The following PCDHGA8 variants were observed in gnomAD, a reference collection of about 807,000 sequenced individuals.
PCDHGA8 encodes protocadherin gamma-A8.
PCDHGA8 carries 45 observed loss-of-function variants against 59.2 expected under a neutral mutation model. That is an observed-to-expected ratio of 0.76 (90% confidence interval 0.60 to 0.98). The LOEUF (loss-of-function observed/expected upper bound fraction) is 0.98. Ranked by LOEUF, PCDHGA8 falls within the 50% of genes least tolerant of loss-of-function variation. PCDHGA8 has a pLI of 0.00. For missense variants in PCDHGA8, 1,257 were observed against 1,196.2 expected (o/e 1.05, Z -0.75); for synonymous variants, 531 against 519.0 (o/e 1.02, Z -0.32).
intron 1 of PCDHGA8, among the ~76,000 whole-genome samples, chr5:141,474,143 TATC>T (rs1371874237): frequency 1.3e-5 from 2 of 152,188 alleles, no homozygotes; most frequent in Non-Finnish European, 2.9e-5. Context: ...CAGGCCTTAT[TATC>T]AAGAAAATGA....
chr5:141,489,094 G>GAAT lies in PCDHGA8; in HGVS notation c.2425-5711_2425-5710insTAA, dbSNP rs2154581134. 5.1e-6 allele frequency: 2 copies of GAAT among 396,028 alleles called. No homozygotes were observed. Among genetic ancestry groups the GAAT allele is most frequent in the Non-Finnish European group, 9.0e-6 (2 of 221,296 alleles). 24.5% of individuals were successfully genotyped at this position (396,028 alleles called of 1,614,324 possible). Reference sequence around the variant, plus strand: ...CCCACCCCCGCCACTCGGTGACTAAGAACTGCTGCAAGCAGGCAAACCTCC... The same window carrying GAAT: ...CCCACCCCCGCCACTCGGTGACTAAGAATAACTGCTGCAAGCAGGCAAACCTCC... On this transcript the variant is annotated intron_variant, in intron 1 of 3. Coordinates refer to ENST00000398604, the MANE Select transcript of PCDHGA8 (RefSeq NM_032088.2). The surrounding 1 kb of genome is among the most constrained non-coding windows in gnomAD (Gnocchi z 4.5).
At chr5:141,422,806 C>T (rs868426196) in intron 1 of PCDHGA8, 2 of 1,614,208 alleles carry the variant, frequency 1.2e-6, no homozygotes, top group Non-Finnish European at 1.7e-6. Flanking sequence ...TGAGCAGTTT[C>T]GAGACTTAGA....
chr5:141,472,290 C>T (rs2099275934), intron 1 of PCDHGA8, among the ~76,000 whole-genome samples: 2 of 152,096 alleles, frequency 1.3e-5, no homozygotes, highest in Admixed American at 6.6e-5. Flanking sequence ...ACCTGTAATC[C>T]CAGCACTTTG....
intron 1 of PCDHGA8, chr5:141,478,008 C>T: frequency 6.2e-7 from 1 of 1,614,124 alleles, no homozygotes; most frequent in Non-Finnish European, 8.5e-7. Flanking sequence ...ATCAGTACTG[C>T]CCGTCCAGTC....
At chr5:141,465,833 T>A (rs2099110537) in intron 1 of PCDHGA8, among the ~76,000 whole-genome samples, 1 of 152,002 alleles carries the variant, frequency 6.6e-6, no homozygotes, top group Non-Finnish European at 1.5e-5. Context: ...GTTTAAAATT[T>A]CAACTGAGGC....
At chr5:141,439,739 G>A (rs867225156) in intron 1 of PCDHGA8, 4 of 152,312 alleles carry the variant, frequency 2.6e-5, no homozygotes, top group Non-Finnish European at 5.9e-5. Flanking sequence ...GGAACGGAAC[G>A]GATTTACAGG....
At chr5:141,478,165 C>G (rs780594020) in intron 1 of PCDHGA8, 13 of 1,613,920 alleles carry the variant, frequency 8.1e-6, no homozygotes, top group African/African-American at 1.3e-5. Flanking sequence ...GCTCTGCCCC[C>G]CGGGAGCAGA....
At chr5:141,420,046 A>G (rs772981030) in intron 1 of PCDHGA8, 6 of 1,614,048 alleles carry the variant, frequency 3.7e-6, no homozygotes, top group South Asian at 1.1e-5. Context: ...GCTTTGAGTC[A>G]GTTCTCTGCT....
chr5:141,439,556 C>A (rs543620281), intron 1 of PCDHGA8, among the ~76,000 whole-genome samples: 1 of 152,268 alleles, frequency 6.6e-6, no homozygotes, highest in East Asian at 1.9e-4. Context: ...CTTCAGGCTG[C>A]AGTTCTAGAG....
Position 141,476,160 on chromosome 5 carries a change from G to A in PCDHGA8, c.2425-18647G>A, listed in dbSNP as rs781765205. 4.3e-6 allele frequency: 7 copies of A among 1,612,858 alleles called. No homozygotes were observed. The highest frequency in any genetic ancestry group is 5.9e-6 in the Non-Finnish European group (7 of 1,179,926). On this transcript the variant is annotated intron_variant, in intron 1 of 3. Coordinates refer to ENST00000398604, the MANE Select transcript of PCDHGA8 (RefSeq NM_032088.2). This position sits in a 1 kb window ranked among gnomAD's most constrained non-coding sequence, Gnocchi z 7.6. ...AGGAGCGGACTGGTAAGCACCGGGA[G>A]GGTAGTGGGAGTTTTGCTTCTGCTT...
chr5:141,511,450 C>A lies in PCDHGA8; in HGVS notation c.*277C>A. Reference sequence around the variant, plus strand: ...TGGGGTTACTGTAGACACCAAGAACCATTTGCCACACCCCGTTTAGTTACA... The same window carrying A: ...TGGGGTTACTGTAGACACCAAGAACAATTTGCCACACCCCGTTTAGTTACA... On this transcript the variant is annotated 3_prime_UTR_variant, in exon 4 of 4. Transcript: ENST00000398604. The A allele has an allele frequency of 3.3e-6, 2 of 615,088 alleles. No homozygotes were observed. The highest frequency in any genetic ancestry group is 6.8e-5 in the East Asian group (2 of 29,272). The allele number at this position is 615,088 out of a possible 1,614,324, so 38.1% of individuals were successfully genotyped here.
Position 141,487,297 on chromosome 5 carries a change from C to T in PCDHGA8, c.2425-7510C>T, listed in dbSNP as rs770262058. ...TTTGCTTTGTCTCCTTTGGCTCATT[C>T]GTGGCACTACTCTCTAAGTGTCTTC... On this transcript the variant is annotated intron_variant, in intron 1 of 3. Coordinates refer to ENST00000398604, the MANE Select transcript of PCDHGA8 (RefSeq NM_032088.2). This position sits in a 1 kb window ranked among gnomAD's most constrained non-coding sequence, Gnocchi z 5.0. The T allele has an allele frequency of 3.2e-5, 52 of 1,613,984 alleles. No homozygotes were observed. The highest frequency in any genetic ancestry group is 4.0e-5 in the African/African-American group (3 of 74,912).
chr5:141,433,993 T>C (rs1367687577), intron 1 of PCDHGA8, among the ~76,000 whole-genome samples: 1 of 152,216 alleles, frequency 6.6e-6, no homozygotes, highest in Admixed American at 6.5e-5. Flanking sequence ...GAGTTTTATA[T>C]TCTCTATATA....
In PCDHGA8 at chr5:141,413,998, G is replaced by A; in HGVS notation, c.2424+18761G>A. On this transcript the variant is annotated intron_variant, in intron 1 of 3. Transcript: ENST00000398604. The stretch of plus-strand genomic sequence containing the variant: ...GACAGTCACAGCCACCGACAGGGAC[G>A]AAGGTGCCAATGGAGAAGTGACATA... 1 of 1,613,320 alleles carries A rather than the reference G, an allele frequency of 6.2e-7. No individual in the cohort carries two copies. The highest frequency in any genetic ancestry group is 1.6e-4 in the Middle Eastern group (1 of 6,062).
intron 2 of PCDHGA8, among the ~76,000 whole-genome samples, chr5:141,495,223 G>T (rs924599140): frequency 6.6e-6 from 1 of 152,208 alleles, no homozygotes; most frequent in South Asian, 2.1e-4. Flanking sequence ...CCTGAGTTGA[G>T]CTGGGCTCCA....
At chr5:141,504,462 G>A (rs1375731108) in intron 2 of PCDHGA8, among the ~76,000 whole-genome samples, 5 of 152,074 alleles carry the variant, frequency 3.3e-5, no homozygotes, top group African/African-American at 9.7e-5. Flanking sequence ...TGGGGCAGCC[G>A]CTGGGATGGG....
rs200117787 is a variant in PCDHGA8, at chr5:141,477,443, G to T, written c.2425-17364G>T. ...CCCTTCCCTCTCAGCCCTTACAATA[G>T]TGCGTGTTCAAGTGTCCGACATCAA... On this transcript the variant is annotated intron_variant, in intron 1 of 3. Coordinates refer to ENST00000398604, the MANE Select transcript of PCDHGA8 (RefSeq NM_032088.2). This position sits in a 1 kb window ranked among gnomAD's most constrained non-coding sequence, Gnocchi z 4.9. The T allele has an allele frequency of 1.7e-5, 28 of 1,614,136 alleles. No homozygotes were observed. In the East Asian group the frequency reaches 6.2e-4, roughly 36 times the overall value.
chr5:141,419,443 C>T (rs1476796525), intron 1 of PCDHGA8: 2 of 1,613,080 alleles, frequency 1.2e-6, no homozygotes, highest in South Asian at 2.2e-5. Flanking sequence ...TGCGCACCTT[C>T]GAGCTCACGC....
At chr5:141,483,501 G>C (rs1022338958) in intron 1 of PCDHGA8, among the ~76,000 whole-genome samples, 2 of 150,394 alleles carry the variant, frequency 1.3e-5, no homozygotes, top group African/African-American at 4.9e-5. Context: ...ATGAGTCAAG[G>C]CTGATCCCCC....
Sources: allele counts gnomAD v4.1 joint callset (sites outside exome capture counted in the v4.1 genomes callset), GRCh38; gene constraint gnomAD v4.1.1; non-coding constraint Gnocchi (gnomAD v3.1); transcripts MANE v1.5; gene names NCBI Gene and HGNC (gene_info 2026-07-23, HGNC 2026-07-21).